Variants in PHACTR2 observed in about 807,000 individuals in gnomAD.
The protein encoded by PHACTR2 is chromosome 6 open reading frame 56.
Under a neutral mutation model 76.0 loss-of-function variants are expected in PHACTR2, and 30 were observed. That is an observed-to-expected ratio of 0.39 (90% confidence interval 0.30 to 0.54). PHACTR2 has a LOEUF of 0.54. PHACTR2 is among the 20% of genes least tolerant of loss of function. The probability of loss-of-function intolerance (pLI) is 0.61; values close to 1 mark genes in which losing one functional copy is unlikely to be tolerated. For missense variants in PHACTR2, 696 were observed against 781.1 expected (o/e 0.89, Z 1.30); for synonymous variants, 292 against 292.5 (o/e 1.00, Z 0.02).
At position 143,647,335 on chromosome 6, in the gene PHACTR2, A is replaced by G. The variant is rs1247366156; in HGVS notation, c.13+39013A>G. ...AGTAATAACAAGATTCAAAATCAAA[A>G]CAACCTGACCCTGAAACCCTCCTGT... is the stretch of plus-strand genomic sequence containing the variant. On this transcript the variant is annotated intron_variant, in intron 1 of 11. Transcript: ENST00000305766. This position sits in a 1 kb window ranked among gnomAD's most constrained non-coding sequence, Gnocchi z 4.2. Among the ~76,000 whole-genome samples, 1 of 152,216 alleles carries G rather than the reference A, an allele frequency of 6.6e-6. No individual in the cohort carries two copies. The highest frequency in any genetic ancestry group is 2.4e-5 in the African/African-American group (1 of 41,440).
Position 143,760,758 on chromosome 6 carries a change from G to C in PHACTR2, c.694+118G>C. The C allele has an allele frequency of 8.4e-7, 1 of 1,197,354 alleles. No homozygotes were observed. The highest frequency in any genetic ancestry group is 1.6e-5 in the South Asian group (1 of 63,272). The allele number at this position is 1,197,354 out of a possible 1,614,324, so 74.2% of individuals were successfully genotyped here. A position where few individuals can be genotyped will look rare whatever the true frequency, so the allele number is the denominator to read the frequency against. On this transcript the variant is annotated intron_variant, in intron 5 of 12. Transcript: ENST00000440869. The surrounding 1 kb of genome is among the most constrained non-coding windows in gnomAD (Gnocchi z 6.4). ...GGTGTCTTAGGACATTACACCAGCA[G>C]GTTCAGCTTTGACACAAAGAATGCC...
At chr6:143,774,000 C>T in intron 7 of PHACTR2, 59 bp from the exon 8 acceptor site, 1 of 1,496,612 alleles carries the variant, frequency 6.7e-7, no homozygotes, top group Non-Finnish European at 9.2e-7. Flanking sequence ...CATGTGTAAC[C>T]TGAGTGCCAC....
At chr6:143,769,530 T>A (rs1775041444) in intron 6 of PHACTR2, among the ~76,000 whole-genome samples, 1 of 152,192 alleles carries the variant, frequency 6.6e-6, no homozygotes, top group South Asian at 2.1e-4. Context: ...CAAGACTTGC[T>A]ACCTTGGTTA....
chr6:143,821,079 G>A lies in PHACTR2; in HGVS notation c.1923-2595G>A, dbSNP rs1214292396. 2.0e-5 allele frequency among the ~76,000 whole-genome samples: 3 copies of A among 152,238 alleles called. No individual in the cohort carries two copies. The highest frequency in any genetic ancestry group is 7.2e-5 in the African/African-American group (3 of 41,466). On this transcript the variant is annotated intron_variant, in intron 12 of 12. Transcript: ENST00000440869. This position sits in a 1 kb window ranked among gnomAD's most constrained non-coding sequence, Gnocchi z 5.2. Reference sequence around the variant, plus strand: ...AGGGAACAATGTCCTGAGGCTGCACGAGGCAGCAGGGCCCTTGACCTGGCC... The same window carrying A: ...AGGGAACAATGTCCTGAGGCTGCACAAGGCAGCAGGGCCCTTGACCTGGCC...
chr6:143,666,043 A>G (rs1275203244), intron 1 of PHACTR2, among the ~76,000 whole-genome samples: 1 of 151,292 alleles, frequency 6.6e-6, no homozygotes, highest in African/African-American at 2.4e-5. Context: ...CCACCCCCCA[A>G]CAGGCCCCAG....
At chr6:143,741,628 A>G (rs9399461) in intron 2 of PHACTR2, among the ~76,000 whole-genome samples, 104,267 of 152,070 alleles carry the variant, frequency 0.69, 35,945 homozygotes, top group African/African-American at 0.77. Context: ...TCTGGGTGAA[A>G]TTGCGACAGT....
rs1435975529 is a variant in PHACTR2 at position 143,811,516 on chromosome 6, C to T, written c.1922+4383C>T. Among the ~76,000 whole-genome samples, 2 of 151,950 alleles carry T rather than the reference C, an allele frequency of 1.3e-5. No homozygotes were observed. The highest frequency in any genetic ancestry group is 2.4e-5 in the African/African-American group (1 of 41,372). On this transcript the variant is annotated intron_variant, in intron 12 of 12. Transcript: ENST00000440869. The surrounding 1 kb of genome is among the most constrained non-coding windows in gnomAD (Gnocchi z 4.1). ...TATAAGCTTTCAGGGAGAGTAACAG[C>T]TAATATCAAGGGTAAATTTTAAAAG...
chr6:143,772,481 G>A lies in PHACTR2; in HGVS notation c.1432+24G>A. 1.3e-6 allele frequency: 2 copies of A among 1,561,336 alleles called. No individual in the cohort carries two copies. Among genetic ancestry groups the A allele is most frequent in the Non-Finnish European group, 8.8e-7 (1 of 1,135,642 alleles). The stretch of plus-strand genomic sequence containing the variant: ...AAGTAAGACTGTTTTCAAGAGGCAG[G>A]GAGGAGCGTGGGTGATAAGCAGAAG... On this transcript the variant is annotated intron_variant, in intron 7 of 12. Transcript: ENST00000440869. This position sits in a 1 kb window ranked among gnomAD's most constrained non-coding sequence, Gnocchi z 5.4.
chr6:143,774,286 C>T lies in PHACTR2; in HGVS notation c.1589+71C>T, dbSNP rs144888947. The T allele has an allele frequency of 3.2e-5, 41 of 1,278,254 alleles. 2 individuals are homozygous for T. Among genetic ancestry groups the T allele is most frequent in the African/African-American group, 3.1e-4 (21 of 67,762 alleles). 79.2% of individuals were successfully genotyped at this position (1,278,254 alleles called of 1,614,324 possible). ...CTCCCTCCCAAAGCTTCCTACCTAA[C>T]TGGGGTCATTGTGAATTCCTTATGT... is the stretch of plus-strand genomic sequence containing the variant. On this transcript the variant is annotated intron_variant, in intron 8 of 12. Transcript: ENST00000440869. This position sits in a 1 kb window ranked among gnomAD's most constrained non-coding sequence, Gnocchi z 5.4.
chr6:143,707,274 C>CA (rs1285083120), intron 1 of PHACTR2, among the ~76,000 whole-genome samples: 1 of 152,194 alleles, frequency 6.6e-6, no homozygotes, highest in Non-Finnish European at 1.5e-5. Flanking sequence ...AGAGTGTTAT[C>CA]AAAGCATTGT....
chr6:143,626,512 G>C (rs1000129201), intron 1 of PHACTR2, among the ~76,000 whole-genome samples: 2 of 133,020 alleles, frequency 1.5e-5, no homozygotes, highest in African/African-American at 5.9e-5. Flanking sequence ...AGTCCATCCT[G>C]GGCAGCAGAG....
Position 143,656,651 on chromosome 6 carries a change from G to A in PHACTR2, c.13+48329G>A, listed in dbSNP as rs1312527611. Among the ~76,000 whole-genome samples the A allele has an allele frequency of 1.3e-5, 2 of 152,064 alleles. No individual in the cohort carries two copies. The highest frequency in any genetic ancestry group is 1.9e-4 in the East Asian group (1 of 5,178). ...TTGTAGTTGAGTAAATATTACACCC[G>A]GTGTGTTGATTAATGAATAGATGTG... On this transcript the variant is annotated intron_variant, in intron 1 of 11. Transcript: ENST00000305766. The surrounding 1 kb of genome is among the most constrained non-coding windows in gnomAD (Gnocchi z 5.3).
rs1194866986 is a variant in PHACTR2 at position 143,791,568 on chromosome 6, G to A, written c.1845+2658G>A. 5.9e-5 allele frequency among the ~76,000 whole-genome samples: 9 copies of A among 152,178 alleles called. No homozygotes were observed. The highest frequency in any genetic ancestry group is 1.9e-4 in the African/African-American group (8 of 41,422). ...AATATGTGTTCTATGGTTTGAGGGT[G>A]TGCAAATTTTCCTGTAAGATCAATC... On this transcript the variant is annotated intron_variant, in intron 11 of 12. Transcript: ENST00000440869. The surrounding 1 kb of genome is among the most constrained non-coding windows in gnomAD (Gnocchi z 4.7).
chr6:143,623,849 A>G lies in PHACTR2; in HGVS notation c.13+15527A>G, dbSNP rs1349912290. ...TTAAAAGCCAATAAATTATGTTTTA[A>G]TCAGTTAACTGGATAGCAGCACATA... is the stretch of plus-strand genomic sequence containing the variant. On this transcript the variant is annotated intron_variant, in intron 1 of 11. Transcript: ENST00000305766. This position sits in a 1 kb window ranked among gnomAD's most constrained non-coding sequence, Gnocchi z 5.9. Among the ~76,000 whole-genome samples the G allele has an allele frequency of 1.3e-5, 2 of 152,160 alleles. No homozygotes were observed. The highest frequency in any genetic ancestry group is 2.9e-5 in the Non-Finnish European group (2 of 68,024).
Position 143,760,742 on chromosome 6 carries a change from G to C in PHACTR2, c.694+102G>C, listed in dbSNP as rs1779422991. 1 of 1,326,854 alleles carries C rather than the reference G, an allele frequency of 7.5e-7. No individual in the cohort carries two copies. The highest frequency in any genetic ancestry group is 1.5e-5 in the African/African-American group (1 of 68,034). The allele number at this position is 1,326,854 out of a possible 1,614,324, so 82.2% of individuals were successfully genotyped here. On this transcript the variant is annotated intron_variant, in intron 5 of 12. Transcript: ENST00000440869. This position sits in a 1 kb window ranked among gnomAD's most constrained non-coding sequence, Gnocchi z 6.4. ...GGTGTGATGGGCTTTTGGTGTCTTA[G>C]GACATTACACCAGCAGGTTCAGCTT...
intron 1 of PHACTR2, among the ~76,000 whole-genome samples, chr6:143,655,171 A>G (rs1043459968): frequency 2.6e-5 from 4 of 151,546 alleles, no homozygotes; most frequent in Non-Finnish European, 4.4e-5. Flanking sequence ...AAAAAAAAAA[A>G]AAAGAAAAAG....
At chr6:143,669,448 A>T (rs1562264346) in intron 1 of PHACTR2, among the ~76,000 whole-genome samples, 2 of 152,200 alleles carry the variant, frequency 1.3e-5, no homozygotes, top group African/African-American at 4.8e-5. Flanking sequence ...TGTCTCGTTG[A>T]TCTGTCCAAT....
rs76608064 is a variant in PHACTR2, at chr6:143,659,796, A to T, written c.13+51474A>T. Among the ~76,000 whole-genome samples, 6,485 of 152,012 alleles carry T rather than the reference A, an allele frequency of 0.043. 177 individuals carry two copies. Among genetic ancestry groups the T allele is most frequent in the Middle Eastern group, 0.082 (24 of 294 alleles). On this transcript the variant is annotated intron_variant, in intron 1 of 11. Transcript: ENST00000305766. This position sits in a 1 kb window ranked among gnomAD's most constrained non-coding sequence, Gnocchi z 5.0. Reference sequence around the variant, plus strand: ...TCCTCCAAAAGCAGAGGAAACTAGAACTCCCTTCCAGTTTGTTCATCCATA... The same window carrying T: ...TCCTCCAAAAGCAGAGGAAACTAGATCTCCCTTCCAGTTTGTTCATCCATA...
At position 143,807,146 on chromosome 6, in the gene PHACTR2, A is replaced by G. The variant is rs758900723; in HGVS notation, c.1922+13A>G. ...GACAGTTTACAAGGTAGGTGACAAA[A>G]TGCAGCTTAGAAATTGAAAATGCTT... On this transcript the variant is annotated intron_variant, in intron 12 of 12. Coordinates refer to ENST00000440869, the MANE Select transcript of PHACTR2 (RefSeq NM_001100164.2). This position sits in a 1 kb window ranked among gnomAD's most constrained non-coding sequence, Gnocchi z 5.5. The G allele has an allele frequency of 5.2e-6, 8 of 1,533,172 alleles. No individual in the cohort carries two copies. The East Asian group carries it at 1.6e-4, about 30-fold the overall frequency. The allele number at this position is 1,533,172 out of a possible 1,614,324, so 95.0% of individuals were successfully genotyped here.
Sources: gnomAD v4.1 joint callset for allele counts (sites outside exome capture counted in the v4.1 genomes callset) on GRCh38, gnomAD v4.1.1 for gene constraint, Gnocchi (gnomAD v3.1) non-coding constraint, MANE v1.5 for transcripts, NCBI Gene and HGNC (gene_info 2026-07-23, HGNC 2026-07-21) for gene names.